The following NCOR1 variants were observed in gnomAD, a reference collection of about 807,000 sequenced individuals.
NCOR1 encodes protein phosphatase 1, regulatory subunit 109.
Under a neutral mutation model 288.1 loss-of-function variants are expected in NCOR1, and 63 were observed. The observed-to-expected ratio is 0.22, with a 90% confidence interval of 0.18 to 0.27. NCOR1 has a LOEUF of 0.27. NCOR1 is among the 10% of genes least tolerant of loss of function. NCOR1 has a pLI of 1.00. For missense variants in NCOR1, 2,397 were observed against 3,019.2 expected, an observed-to-expected ratio of 0.79 and a Z score of 4.83; for synonymous variants, 1,007 against 1,065.9, an observed-to-expected ratio of 0.94 and a Z score of 1.08.
In NCOR1 at chr17:16,070,271, T is replaced by A; in HGVS notation, c.4407A>T (p.Ala1469=). 1 of 1,614,164 alleles carries A rather than the reference T, an allele frequency of 6.2e-7. No homozygotes were observed. Among genetic ancestry groups the A allele is most frequent in the South Asian group, 1.1e-5 (1 of 91,074 alleles). ...CATCATAAATCCCAGGGCTCAGTTG[T>A]GCTTTGGGAGCTTCATGCAGTGTGG... ...LRSTLHEAPK[A]QLSPGIYDDT... The change falls in exon 31 of 46, where the codon GCA becomes GCT. Residue 1469 remains alanine (A), a synonymous_variant. Transcript: ENST00000268712.
intron 22 of NCOR1, 72 bp from the exon 23 acceptor site, chr17:16,086,514 C>G: frequency 7.5e-7 from 1 of 1,342,124 alleles, no homozygotes; most frequent in East Asian, 2.3e-5. Flanking sequence ...CTCTCTCAGT[C>G]ATTCCTGAAT....
chr17:16,210,300 C>T (rs2091996691), intron 1 of NCOR1, among the ~76,000 whole-genome samples: 1 of 152,146 alleles, frequency 6.6e-6, no homozygotes, highest in Non-Finnish European at 1.5e-5. Flanking sequence ...AGGAGAATTG[C>T]TTGAACCCAG....
At chr17:16,178,396 G>T (rs1053690396) in intron 3 of NCOR1, among the ~76,000 whole-genome samples, 1 of 150,486 alleles carries the variant, frequency 6.6e-6, no homozygotes, top group South Asian at 2.1e-4. Flanking sequence ...CTACTCGGGA[G>T]GCTAAGGCAG....
At chr17:16,203,241 G>A (rs2091075746) in intron 1 of NCOR1, among the ~76,000 whole-genome samples, 1 of 152,146 alleles carries the variant, frequency 6.6e-6, no homozygotes, top group South Asian at 2.1e-4. Context: ...GATTCCCCAA[G>A]GATTTCCTAC....
At position 16,080,495 on chromosome 17, in the gene NCOR1, T is replaced by C. The variant is rs763295693; in HGVS notation, c.3313A>G (p.Ile1105Val). ...CGGGGAGAAAATTCTTCCTGCTTGA[T>C]GTAGGGCAAAGTAGCTGTGGAAAGG... is the stretch of plus-strand genomic sequence containing the variant. The part of the protein sequence containing the change: ...ESAKSATLPY[I>V]KQEEFSPRSQ... The change falls in exon 25 of 46, where the codon ATC becomes GTC. Residue 1105 changes from isoleucine (I) to valine (V), a missense_variant. Physicochemically the swap from Ile to Val is conservative, Grantham distance 29. Coordinates refer to ENST00000268712, the MANE Select transcript of NCOR1 (RefSeq NM_006311.4). 4.7e-5 allele frequency: 76 copies of C among 1,613,958 alleles called. 1 individual carries two copies. In the South Asian group the frequency reaches 8.3e-4, roughly 18 times the overall value.
chr17:16,194,431 A>G (rs1397213839), intron 2 of NCOR1, 31 bp downstream of exon 2: 1 of 1,409,544 alleles, frequency 7.1e-7, no homozygotes, highest in Non-Finnish European at 9.9e-7. Flanking sequence ...CACAAAAAAC[A>G]TGTGCAATTT....
chr17:16,065,525 T>C lies in NCOR1; in HGVS notation c.4911A>G (p.Pro1637=), dbSNP rs1362784110. ...LRPDVARGLS[P]REQPLGLPYP... ...ATGGGAGACCCAGTGGCTGCTCTCT[T>C]GGGGAGAGTCCTCTGGCCACATCTG... The change falls in exon 33 of 46, where the codon CCA becomes CCG. Residue 1637 remains proline (P), a synonymous_variant. Coordinates refer to ENST00000268712, the MANE Select transcript of NCOR1 (RefSeq NM_006311.4). The C allele has an allele frequency of 6.2e-7, 1 of 1,614,184 alleles. No homozygotes were observed. Among genetic ancestry groups the C allele is most frequent in the Admixed American group, 1.7e-5 (1 of 60,024 alleles).
chr17:16,038,031 A>G (rs2151942156), intron 44 of NCOR1, among the ~76,000 whole-genome samples: 1 of 152,338 alleles, frequency 6.6e-6, no homozygotes, highest in African/African-American at 2.4e-5. Flanking sequence ...ATTGGAAGGT[A>G]AGAACAGAAA....
At chr17:16,179,501 A>C (rs2084930655) in intron 3 of NCOR1, among the ~76,000 whole-genome samples, 1 of 152,220 alleles carries the variant, frequency 6.6e-6, no homozygotes, top group Admixed American at 6.5e-5. Flanking sequence ...AGAAAACTCC[A>C]GTATCTGAAG....
chr17:16,118,121 A>G (rs1389197062), intron 17 of NCOR1, 94 bp from the exon 18 acceptor site: 8 of 1,264,850 alleles, frequency 6.3e-6, no homozygotes, highest in Non-Finnish European at 2.2e-6. Context: ...TGTATTCACA[A>G]CCATTGACAC....
At chr17:16,116,455 T>G (rs947760108) in intron 18 of NCOR1, among the ~76,000 whole-genome samples, 2 of 152,234 alleles carry the variant, frequency 1.3e-5, no homozygotes, top group African/African-American at 4.8e-5. Flanking sequence ...GAAACATATT[T>G]TCCAAAATTC....
intron 26 of NCOR1, among the ~76,000 whole-genome samples, chr17:16,078,816 C>T (rs1281221137): frequency 1.3e-5 from 2 of 152,114 alleles, no homozygotes; most frequent in Admixed American, 6.5e-5. Context: ...CCTCGTGATC[C>T]GCTCTCCTTG....
intron 21 of NCOR1, 99 bp downstream of exon 21, chr17:16,098,268 T>C: frequency 8.3e-7 from 1 of 1,209,944 alleles, no homozygotes; most frequent in Non-Finnish European, 1.2e-6. Flanking sequence ...TTTGTACCAC[T>C]ATTTTTTTAA....
intron 2 of NCOR1, among the ~76,000 whole-genome samples, chr17:16,187,533 C>T (rs558224564): frequency 6.5e-4 from 81 of 124,084 alleles, no homozygotes; most frequent in African/African-American, 2.1e-3. Flanking sequence ...AAACATTATA[C>T]TAAGTTTAAA....
intron 30 of NCOR1, 129 bp downstream of exon 30, chr17:16,071,280 T>C: frequency 2.3e-6 from 3 of 1,303,498 alleles, no homozygotes; most frequent in South Asian, 1.5e-5. Flanking sequence ...AAAAAAAAGG[T>C]ACAGGAAACT....
At chr17:16,099,871 C>A (rs1379526786) in intron 20 of NCOR1, among the ~76,000 whole-genome samples, 1 of 152,156 alleles carries the variant, frequency 6.6e-6, no homozygotes, top group East Asian at 1.9e-4. Context: ...AAAATTCTAG[C>A]ATCTACTATA....
chr17:16,073,594 G>C, intron 27 of NCOR1, 25 bp from the exon 28 acceptor site: 1 of 1,563,954 alleles, frequency 6.4e-7, no homozygotes, highest in Non-Finnish European at 8.6e-7. Context: ...AACAAGACTT[G>C]CTCAGACGGA....
Position 16,058,060 on chromosome 17 carries a change from A to C in NCOR1, c.6015T>G (p.Asp2005Glu). The C allele has an allele frequency of 6.2e-7, 1 of 1,614,040 alleles. No homozygotes were observed. Among genetic ancestry groups the C allele is most frequent in the Non-Finnish European group, 8.5e-7 (1 of 1,179,934 alleles). The change falls in exon 39 of 46, where the codon GAT becomes GAG. Residue 2005 changes from aspartate to glutamate, a missense_variant. By Grantham distance (45) the Asp-to-Glu change is conservative. This residue lies in a region of NCOR1 where 1,872 missense variants were observed against 2,187.8 expected (regional missense o/e 0.86). Coordinates refer to ENST00000268712, the MANE Select transcript of NCOR1 (RefSeq NM_006311.4). ...EVVKANQAEN[D>E]PTRQYEGPLH... ...ATGGTCCTTCATATTGTCTGGTAGG[A>C]TCATCTAGGAGAGAACACATAGATG...
At chr17:16,195,334 G>A (rs758706415) in intron 1 of NCOR1, among the ~76,000 whole-genome samples, 4 of 152,086 alleles carry the variant, frequency 2.6e-5, no homozygotes, top group East Asian at 1.9e-4. Context: ...AGCCGGGCAC[G>A]GTGACATGCG....
Sources: gnomAD v4.1 joint callset for allele counts (sites outside exome capture counted in the v4.1 genomes callset) on GRCh38, gnomAD v4.1.1 for gene constraint, gnomAD v4.1.1 regional missense constraint, MANE v1.5 for transcripts, NCBI Gene and HGNC (gene_info 2026-07-23, HGNC 2026-07-21) for gene names.